Variants in ABCG2 observed in about 807,000 individuals in gnomAD.
ABCG2 encodes the protein broad substrate specificity ATP-binding cassette transporter ABCG2.
In ABCG2, 80 loss-of-function variants were observed where a neutral mutation model predicts 73.5. The ratio of observed to expected loss-of-function variants is 1.09; its 90% confidence interval spans 0.91 to 1.31. The LOEUF is 1.31. Ranked by LOEUF, ABCG2 falls within the 50% of genes most tolerant of loss-of-function variation. The probability of loss-of-function intolerance (pLI) is 0.00; values close to 1 mark genes in which losing one functional copy is unlikely to be tolerated. For missense variants in ABCG2, 796 were observed against 786.2 expected (o/e 1.01, Z -0.15); for synonymous variants, 269 against 282.4 (o/e 0.95, Z 0.48).
chr4:88,092,335 G>A lies in ABCG2; in HGVS notation c.1867C>T (p.Pro623Ser). 2 of 1,613,654 alleles carry A rather than the reference G, an allele frequency of 1.2e-6. No homozygotes were observed. The highest frequency in any genetic ancestry group is 8.5e-7 in the Non-Finnish European group (1 of 1,179,868). Residue 623 changes from proline to serine, a missense_variant, in exon 16 of 16, where the codon CCC becomes TCC. Coordinates refer to ENST00000237612, the MANE Select transcript of ABCG2 (RefSeq NM_004827.3). ...ACGTGATTCTTCCACAAGCCCCAGGGTGAGAGATCGATGCCCTGCTTTACC... is the reference window on the plus strand; with the variant it reads ...ACGTGATTCTTCCACAAGCCCCAGGATGAGAGATCGATGCCCTGCTTTACC... The part of the protein sequence containing the change: ...YLVKQGIDLS[P>S]WGLWKNHVAL...
chr4:88,175,134 C>T (rs1348263746), intron 1 of ABCG2, among the ~76,000 whole-genome samples: 1 of 152,210 alleles, frequency 6.6e-6, no homozygotes, highest in Non-Finnish European at 1.5e-5. Flanking sequence ...CAAACTACTA[C>T]ACAATTGATT....
At chr4:88,149,487 C>T (rs1243222936) in intron 1 of ABCG2, among the ~76,000 whole-genome samples, 1 of 152,182 alleles carries the variant, frequency 6.6e-6, no homozygotes, top group African/African-American at 2.4e-5. Flanking sequence ...TCAGCTCCTT[C>T]TCCCCTTAAA....
At chr4:88,109,536 G>A (rs1236992203) in intron 9 of ABCG2, among the ~76,000 whole-genome samples, 1 of 152,184 alleles carries the variant, frequency 6.6e-6, no homozygotes, top group East Asian at 1.9e-4. Context: ...AAAACAAACA[G>A]GCAAACTAAA....
intron 1 of ABCG2, among the ~76,000 whole-genome samples, chr4:88,178,287 T>G (rs543693896): frequency 2.6e-5 from 4 of 152,248 alleles, no homozygotes; most frequent in Admixed American, 2.6e-4. Context: ...AGCTCTTGGA[T>G]AGCATTTCTA....
chr4:88,094,651 C>T lies in ABCG2; in HGVS notation c.1746G>A (p.Gln582=). The T allele has an allele frequency of 6.2e-7, 1 of 1,613,470 alleles. No individual in the cohort carries two copies. The highest frequency in any genetic ancestry group is 8.5e-7 in the Non-Finnish European group (1 of 1,179,366). Reference sequence around the variant, plus strand: ...AGTTTTGTCCCAAAAATTCATTATGCTGCAAAGCCTATAACACAAGTGGGA... The same window carrying T: ...AGTTTTGTCCCAAAAATTCATTATGTTGCAAAGCCTATAACACAAGTGGGA... ...SIPRYGFTAL[Q]HNEFLGQNFC... is the part of the protein sequence containing the mutation. The change falls in exon 15 of 16, where the codon CAG becomes CAA. Residue 582 remains glutamine, a synonymous_variant. Coordinates refer to ENST00000237612, the MANE Select transcript of ABCG2 (RefSeq NM_004827.3).
At chr4:88,159,883 A>G (rs1448394164), upstream of ABCG2, among the ~76,000 whole-genome samples, 1 of 152,208 alleles carries the variant, frequency 6.6e-6, no homozygotes, top group African/African-American at 2.4e-5. Flanking sequence ...CTTTTGAATT[A>G]ATTTCTGTCA....
chr4:88,110,174 T>G (rs940665655), intron 9 of ABCG2, among the ~76,000 whole-genome samples: 21 of 152,102 alleles, frequency 1.4e-4, no homozygotes, highest in African/African-American at 4.8e-4. Flanking sequence ...AATATAAAAT[T>G]TATATAAAAT....
Position 88,131,073 on chromosome 4 carries a change from C to G in ABCG2, c.519G>C (p.Val173=). The change falls in exon 5 of 16, where the codon GTG becomes GTC. Residue 173 remains valine (V), a synonymous_variant. Coordinates refer to ENST00000237612, the MANE Select transcript of ABCG2 (RefSeq NM_004827.3). The part of the protein sequence containing the change: ...RVIQELGLDK[V]ADSKVGTQFI... ...TTTTCCACATTACCTTGGAGTCTGC[C>G]ACTTTATCCAGACCTAACTCTTGAA... 4.3e-6 allele frequency: 7 copies of G among 1,613,920 alleles called. No homozygotes were observed. The highest frequency in any genetic ancestry group is 5.9e-6 in the Non-Finnish European group (7 of 1,179,950).
chr4:88,143,224 G>A (rs534693412), intron 1 of ABCG2, among the ~76,000 whole-genome samples: 24 of 152,082 alleles, frequency 1.6e-4, no homozygotes, highest in African/African-American at 5.8e-4. Flanking sequence ...AATTCCCCAG[G>A]GATCTCTAGA....
At chr4:88,212,691 A>T (rs1305971992) in intron 1 of ABCG2, among the ~76,000 whole-genome samples, 1 of 151,888 alleles carries the variant, frequency 6.6e-6, no homozygotes, top group East Asian at 1.9e-4. Flanking sequence ...TTCTTTAGTC[A>T]CCATACCTGC....
intron 1 of ABCG2, among the ~76,000 whole-genome samples, chr4:88,152,961 T>G (rs1019007200): frequency 1.3e-5 from 2 of 152,022 alleles, no homozygotes; most frequent in East Asian, 1.9e-4. Flanking sequence ...TTGTCCTATA[T>G]AAGTATTGGT....
At chr4:88,122,790 C>G (rs1724100810) in intron 5 of ABCG2, among the ~76,000 whole-genome samples, 1 of 152,210 alleles carries the variant, frequency 6.6e-6, no homozygotes, top group Admixed American at 6.5e-5. Context: ...CAGTGAATCT[C>G]CCAGCACAGC....
At chr4:88,213,463 C>G (rs138930971) in intron 1 of ABCG2, among the ~76,000 whole-genome samples, 5 of 152,238 alleles carry the variant, frequency 3.3e-5, no homozygotes, top group South Asian at 2.1e-4. Flanking sequence ...CTGCTGCCTT[C>G]TCTCCTATTA....
intron 2 of ABCG2, among the ~76,000 whole-genome samples, chr4:88,134,110 C>T (rs1199569536): frequency 2.0e-5 from 3 of 152,008 alleles, no homozygotes; most frequent in South Asian, 2.1e-4. Context: ...AAGTAAGTTA[C>T]AATATATTCC....
At chr4:88,172,402 AC>A (rs1358351112) in intron 1 of ABCG2, among the ~76,000 whole-genome samples, 31 of 151,530 alleles carry the variant, frequency 2.0e-4, no homozygotes, top group Non-Finnish European at 1.5e-5. Context: ...ACCTGGTGAA[AC>A]CCCGTCTCTA....
intron 1 of ABCG2, among the ~76,000 whole-genome samples, chr4:88,199,507 T>C (rs1729068666): frequency 6.6e-6 from 1 of 152,100 alleles, no homozygotes; most frequent in African/African-American, 2.4e-5. Flanking sequence ...TACATCTGAC[T>C]TATTAGAAAC....
At chr4:88,174,382 C>T (rs1017158482) in intron 1 of ABCG2, among the ~76,000 whole-genome samples, 41 of 152,154 alleles carry the variant, frequency 2.7e-4, no homozygotes, top group African/African-American at 9.7e-4. Context: ...CATGTGTTCT[C>T]ACTGTTCAAC....
intron 1 of ABCG2, among the ~76,000 whole-genome samples, chr4:88,192,542 C>T (rs1002027621): frequency 6.6e-6 from 1 of 151,762 alleles, no homozygotes; most frequent in African/African-American, 2.4e-5. Context: ...GCCTCAGCCT[C>T]CCGAGTAGCT....
chr4:88,157,988 G>A (rs1727064171), intron 1 of ABCG2, among the ~76,000 whole-genome samples: 1 of 152,132 alleles, frequency 6.6e-6, no homozygotes, highest in Non-Finnish European at 1.5e-5. Context: ...ATTCCCAATT[G>A]TCATTGACCA....
Sources: gnomAD v4.1 joint callset for allele counts (sites outside exome capture counted in the v4.1 genomes callset) on GRCh38, gnomAD v4.1.1 for gene constraint, MANE v1.5 for transcripts, NCBI Gene and HGNC (gene_info 2026-07-23, HGNC 2026-07-21) for gene names.